Variants in IQCJ observed in about 807,000 individuals in gnomAD.
IQCJ encodes IQ domain-containing protein J.
A neutral mutation model predicts 11.0 loss-of-function variants in IQCJ; 9 were observed. The observed-to-expected ratio is 0.82, with a 90% CI of 0.49 to 1.43. The LOEUF (loss-of-function observed/expected upper bound fraction) is 1.43. IQCJ is among the 40% of genes most tolerant of loss of function. The pLI, the probability that IQCJ is intolerant of heterozygous loss-of-function variation, is 0.00. For synonymous variants in IQCJ, 55 were observed against 51.3 expected (o/e 1.07, Z -0.31); for missense variants, 146 against 133.2 (o/e 1.10, Z -0.47).
chr3:159,179,671 T>G lies in IQCJ; in HGVS notation c.10-66172T>G, dbSNP rs1722981125. On this transcript the variant is annotated intron_variant, in intron 1 of 3. Coordinates refer to ENST00000397832, the MANE Select transcript of IQCJ (RefSeq NM_001042706.3). ...TCAGTTTTACTTAAGCACATTTCTA[T>G]GAAAAGAGACTGACAATAGCTATAA... Among the ~76,000 whole-genome samples, 4 of 152,182 alleles carry G rather than the reference T, an allele frequency of 2.6e-5. No homozygotes were observed. In the South Asian group the frequency reaches 8.3e-4, roughly 31 times the overall value.
chr3:159,118,835 C>G (rs1054161475), intron 1 of IQCJ, among the ~76,000 whole-genome samples: 2 of 152,170 alleles, frequency 1.3e-5, no homozygotes, highest in African/African-American at 4.8e-5. Flanking sequence ...TATGCCTAAT[C>G]TACAATACTG....
At chr3:159,147,064 A>T (rs935302407) in intron 1 of IQCJ, among the ~76,000 whole-genome samples, 3 of 152,256 alleles carry the variant, frequency 2.0e-5, no homozygotes, top group African/African-American at 4.8e-5. Context: ...TAGCCTTGAG[A>T]ACATTCTATT....
chr3:159,137,318 C>A (rs114590810), intron 1 of IQCJ, among the ~76,000 whole-genome samples: 3 of 151,432 alleles, frequency 2.0e-5, no homozygotes, highest in Non-Finnish European at 4.4e-5. Flanking sequence ...ACATGATTCA[C>A]ATTTACTTAT....
At chr3:159,131,978 A>C (rs897496392) in intron 1 of IQCJ, among the ~76,000 whole-genome samples, 1 of 152,068 alleles carries the variant, frequency 6.6e-6, no homozygotes, top group Non-Finnish European at 1.5e-5. Context: ...AAATAGAGCA[A>C]GCCTGTTTTC....
Position 159,262,830 on chromosome 3 carries a change from T to C in IQCJ, c.*99T>C. 2.7e-6 allele frequency: 4 copies of C among 1,459,342 alleles called. No individual in the cohort carries two copies. Among genetic ancestry groups the C allele is most frequent in the Non-Finnish European group, 2.7e-6 (3 of 1,100,400 alleles). The allele number at this position is 1,459,342 out of a possible 1,614,324, so 90.4% of individuals were successfully genotyped here. A position where few individuals can be genotyped will look rare whatever the true frequency, so the allele number is the denominator to read the frequency against. ...AGCTTATTTGCTACCCAGGAACCCA[T>C]GGTGAGAGTTTTGTCACCTCAAAAT... On this transcript the variant is annotated 3_prime_UTR_variant, in exon 4 of 4. Coordinates refer to ENST00000397832, the MANE Select transcript of IQCJ (RefSeq NM_001042706.3).
intron 1 of IQCJ, among the ~76,000 whole-genome samples, chr3:159,241,338 G>T (rs1223743964): frequency 6.6e-6 from 1 of 152,030 alleles, no homozygotes; most frequent in African/African-American, 2.4e-5. Flanking sequence ...GATCCTGGGA[G>T]GTGGAGGTTG....
chr3:159,241,505 T>C (rs1233458032), intron 1 of IQCJ, among the ~76,000 whole-genome samples: 1 of 152,194 alleles, frequency 6.6e-6, no homozygotes, highest in Non-Finnish European at 1.5e-5. Context: ...TTGAAACAGA[T>C]GTTCACAGCA....
At chr3:159,107,913 T>C (rs1431996078) in intron 1 of IQCJ, among the ~76,000 whole-genome samples, 3 of 144,864 alleles carry the variant, frequency 2.1e-5, no homozygotes, top group African/African-American at 5.1e-5. Flanking sequence ...GCTTCTCCCC[T>C]GAAGAACTCA....
At position 159,148,779 on chromosome 3, in the gene IQCJ, G is replaced by T. The variant is rs149454602; in HGVS notation, c.9+79338G>T. On this transcript the variant is annotated intron_variant, in intron 1 of 3. Transcript: ENST00000397832. ...CAGCCAAATGTGATTGTAAAAGATG[G>T]ATTTTTTTTAACAAGTGCTTTCATT... is the stretch of plus-strand genomic sequence containing the variant. 1.0e-3 allele frequency among the ~76,000 whole-genome samples: 154 copies of T among 152,264 alleles called. 1 individual carries two copies. Among genetic ancestry groups the T allele is most frequent in the African/African-American group, 3.4e-3 (143 of 41,560 alleles).
At chr3:159,170,639 C>T (rs1038381621) in intron 1 of IQCJ, among the ~76,000 whole-genome samples, 1 of 143,486 alleles carries the variant, frequency 7.0e-6, no homozygotes, top group Non-Finnish European at 1.6e-5. Flanking sequence ...TCCAGCTCCT[C>T]ACCCTTTTTT....
chr3:159,126,036 G>A (rs1310246616), intron 1 of IQCJ, among the ~76,000 whole-genome samples: 1 of 152,218 alleles, frequency 6.6e-6, no homozygotes, highest in Non-Finnish European at 1.5e-5. Context: ...CACATTGCTG[G>A]CATCTGGATG....
intron 1 of IQCJ, among the ~76,000 whole-genome samples, chr3:159,169,466 TA>T (rs1722374477): frequency 1.3e-5 from 2 of 151,768 alleles, no homozygotes; most frequent in South Asian, 4.2e-4. Context: ...TTGTATTTTT[TA>T]GTAGAGGCGG....
chr3:159,153,512 A>T (rs9848481), intron 1 of IQCJ, among the ~76,000 whole-genome samples: 96 of 152,204 alleles, frequency 6.3e-4, no homozygotes, highest in Admixed American at 3.3e-4. Context: ...TTCATACTTT[A>T]TTAGACATTG....
At chr3:159,079,925 G>A (rs1716195746) in intron 1 of IQCJ, among the ~76,000 whole-genome samples, 1 of 151,886 alleles carries the variant, frequency 6.6e-6, no homozygotes, top group African/African-American at 2.4e-5. Flanking sequence ...GCATTTTAAA[G>A]GGTTTTGATG....
Position 159,253,341 on chromosome 3 carries a change from CT to C in IQCJ, c.155+536del, listed in dbSNP as rs1727710316. 2.0e-5 allele frequency among the ~76,000 whole-genome samples: 3 copies of C among 152,076 alleles called. No homozygotes were observed. In the East Asian group the frequency reaches 5.8e-4, roughly 29 times the overall value. ...CTCCCCCATTATAAATGACTATTAC[CT>C]TAAAATAGTGCTAACAACATCTCAA... On this transcript the variant is annotated intron_variant, in intron 3 of 3. Coordinates refer to ENST00000397832, the MANE Select transcript of IQCJ (RefSeq NM_001042706.3).
intron 1 of IQCJ, among the ~76,000 whole-genome samples, chr3:159,227,615 C>T (rs1018521721): frequency 1.3e-5 from 2 of 152,196 alleles, no homozygotes; most frequent in African/African-American, 2.4e-5. Context: ...CTGGAATGGA[C>T]TCTCAACAAA....
intron 1 of IQCJ, among the ~76,000 whole-genome samples, chr3:159,189,730 C>T (rs1397323330): frequency 6.6e-6 from 1 of 152,200 alleles, no homozygotes; most frequent in Non-Finnish European, 1.5e-5. Context: ...TTGGATAAGG[C>T]AGAGAGGCCG....
At chr3:159,262,437 C>T in intron 3 of IQCJ, 111 bp from the exon 4 acceptor site, 1 of 1,486,600 alleles carries the variant, frequency 6.7e-7, no homozygotes, top group Non-Finnish European at 9.0e-7. Context: ...TTCTACTTCC[C>T]TTGGCACCAA....
chr3:159,102,899 T>G (rs1718021776), intron 1 of IQCJ, among the ~76,000 whole-genome samples: 1 of 152,204 alleles, frequency 6.6e-6, no homozygotes, highest in Non-Finnish European at 1.5e-5. Flanking sequence ...TAGATTTTAT[T>G]CTTGATATGA....
Sources: gnomAD v4.1 joint callset for allele counts (sites outside exome capture counted in the v4.1 genomes callset) on GRCh38, gnomAD v4.1.1 for gene constraint, MANE v1.5 for transcripts, NCBI Gene and HGNC (gene_info 2026-07-23, HGNC 2026-07-21) for gene names.